The following FCGR1A variants were observed in gnomAD, a reference collection of about 807,000 sequenced individuals.
FCGR1A encodes Fc gamma receptor Ia, also known as high affinity immunoglobulin gamma Fc receptor I.
A neutral mutation model predicts 35.0 loss-of-function variants in FCGR1A; 13 were observed. The ratio of observed to expected loss-of-function variants is 0.37; its 90% CI spans 0.24 to 0.59. The LOEUF (loss-of-function observed/expected upper bound fraction) is 0.59. Among genes scored for constraint, FCGR1A ranks in the 20% least tolerant of loss-of-function variants. FCGR1A has a pLI of 0.71. For missense variants in FCGR1A, 227 were observed against 430.0 expected (o/e 0.53, Z 4.17); for synonymous variants, 91 against 164.7 (o/e 0.55, Z 3.43).
At position 149,791,502 on chromosome 1, in the gene FCGR1A, C is replaced by T. The variant is rs1228096392; in HGVS notation, c.1110C>T (p.Pro370=). The part of the protein sequence containing the change: ...QLQEGVHRKE[P]QGAT ...AGGAAGGGGTGCACCGGAAGGAGCC[C>T]CAGGGGGCCACGTAGCAGCGGCTCA... Residue 370 remains proline (P), a synonymous_variant, in exon 6 of 6, where the codon CCC becomes CCT. Coordinates refer to ENST00000369168, the MANE Select transcript of FCGR1A (RefSeq NM_000566.4). 9.9e-6 allele frequency: 16 copies of T among 1,609,494 alleles called. No individual in the cohort carries two copies. Among genetic ancestry groups the T allele is most frequent in the Non-Finnish European group, 1.4e-5 (16 of 1,179,374 alleles).
At position 149,790,494 on chromosome 1, in the gene FCGR1A, C is replaced by T; in HGVS notation, c.844+156C>T. ...AGGCCTTTCCATCCTTGATTCACAA[C>T]ATCACTCTTCTCCTCGCAAACTGTT... is the stretch of plus-strand genomic sequence containing the variant. On this transcript the variant is annotated intron_variant, in intron 5 of 5. Transcript: ENST00000369168. 4.1e-6 allele frequency: 5 copies of T among 1,231,308 alleles called. No individual in the cohort carries two copies. In the South Asian group the frequency reaches 5.7e-5, roughly 14 times the overall value. 76.3% of individuals were successfully genotyped at this position (1,231,308 alleles called of 1,614,324 possible). A position where few individuals can be genotyped will look rare whatever the true frequency, so the allele number is the denominator to read the frequency against.
At chr1:149,797,789 G>C in the FCGR1A span, among the ~76,000 whole-genome samples, 1 of 136,522 alleles carries the variant, frequency 7.3e-6, no homozygotes, top group Non-Finnish European at 1.7e-5. Context: ...GGAGACACAG[G>C]GTCCTGCCAT....
chr1:149,791,875 G>GAC (rs1427952634), downstream of FCGR1A: 16 of 269,480 alleles, frequency 5.9e-5, no homozygotes, highest in African/African-American at 4.2e-4. Context: ...GACAGAAAGA[G>GAC]ACACACACAC....
downstream of FCGR1A, among the ~76,000 whole-genome samples, chr1:149,793,579 C>G (rs1553752469): frequency 6.6e-6 from 1 of 150,748 alleles, no homozygotes; most frequent in African/African-American, 2.5e-5. Flanking sequence ...AGGAATCTTT[C>G]TTCTCCCTGG....
intron 3 of FCGR1A, among the ~76,000 whole-genome samples, chr1:149,784,732 A>G (rs1167014862): frequency 6.7e-6 from 1 of 149,340 alleles, no homozygotes; most frequent in Non-Finnish European, 1.5e-5. Context: ...ACACATATAT[A>G]TAGTTTTAAA....
chr1:149,791,598 A>T lies in FCGR1A; in HGVS notation c.*81A>T. On this transcript the variant is annotated 3_prime_UTR_variant, in exon 6 of 6. Coordinates refer to ENST00000369168, the MANE Select transcript of FCGR1A (RefSeq NM_000566.4). ...GTGAGCACTGCGTACAAACATCCAA[A>T]AGTTCAACAACACCAGAACTGTGTG... 6.4e-7 allele frequency: 1 copy of T among 1,554,930 alleles called. No individual in the cohort carries two copies. Among genetic ancestry groups the T allele is most frequent in the South Asian group, 1.2e-5 (1 of 82,720 alleles).
chr1:149,800,163 CA>C, the FCGR1A span, among the ~76,000 whole-genome samples: 1 of 152,016 alleles, frequency 6.6e-6, no homozygotes, highest in Admixed American at 6.6e-5. Flanking sequence ...TGGTTTATAA[CA>C]AAAAATACAG....
intron 3 of FCGR1A, among the ~76,000 whole-genome samples, chr1:149,785,150 C>G (rs2091507221): frequency 6.6e-6 from 1 of 152,154 alleles, no homozygotes; most frequent in African/African-American, 2.4e-5. Flanking sequence ...ATATGCAAGA[C>G]AAAATAACCA....
intron 3 of FCGR1A, among the ~76,000 whole-genome samples, chr1:149,785,209 A>G (rs2091508936): frequency 6.6e-6 from 1 of 152,176 alleles, no homozygotes; most frequent in Admixed American, 6.5e-5. Flanking sequence ...CTTCGTTAAA[A>G]ATGATAATGC....
the FCGR1A span, among the ~76,000 whole-genome samples, chr1:149,800,497 C>T: frequency 7.6e-5 from 11 of 144,284 alleles, no homozygotes; most frequent in South Asian, 2.4e-4. Flanking sequence ...GGCTGCCAGA[C>T]ATCAGTCAAC....
In FCGR1A at chr1:149,788,581, C is replaced by T. The variant is rs782122885; in HGVS notation, c.523C>T (p.Arg175Cys). 11 of 1,613,842 alleles carry T rather than the reference C, an allele frequency of 6.8e-6. No homozygotes were observed. The highest frequency in any genetic ancestry group is 1.6e-4 in the Middle Eastern group (1 of 6,078). Residue 175 changes from arginine to cysteine, a missense_variant, in exon 4 of 6, where the codon CGC becomes TGC. Physicochemically the swap from Arg to Cys is radical, Grantham distance 180. Around this residue, in one of 3 missense-constraint regions of FCGR1A, gnomAD observed 185 missense variants for 306.6 expected, o/e 0.60. Coordinates refer to ENST00000369168, the MANE Select transcript of FCGR1A (RefSeq NM_000566.4). ...CCATTGCTCAGGCATGGGAAAGCAT[C>T]GCTACACATCAGCAGGAATATCTGT... ...TYHCSGMGKH[R>C]YTSAGISVTV...
intron 4 of FCGR1A, 71 bp from the exon 5 acceptor site, chr1:149,789,983 G>C: frequency 6.2e-7 from 1 of 1,612,954 alleles, no homozygotes; most frequent in Non-Finnish European, 8.5e-7. Context: ...AGGGGGTAAA[G>C]GGCATGTCTT....
downstream of FCGR1A, chr1:149,793,989 C>T (rs2091770242): frequency 1.1e-6 from 1 of 941,884 alleles, no homozygotes; most frequent in African/African-American, 1.7e-5. Context: ...GATTCCAGCC[C>T]TGAGAACCAG....
At chr1:149,787,594 C>A (rs587743166) in intron 3 of FCGR1A, 7 of 152,414 alleles carry the variant, frequency 4.6e-5, no homozygotes, top group African/African-American at 1.7e-4. Flanking sequence ...TTTTCTATTG[C>A]TGTGTAACAA....
rs1385711564 is a variant in FCGR1A, at chr1:149,790,433, A to T, written c.844+95A>T. The T allele has an allele frequency of 7.1e-6, 11 of 1,542,078 alleles. No homozygotes were observed. The Middle Eastern group carries it at 6.9e-4, about 97-fold the overall frequency. ...TTGTTCAAGGGTTTTTGGCCCAGAC[A>T]GGAGGGGAAAGTCTCTTCAGGAAAA... On this transcript the variant is annotated intron_variant, in intron 5 of 5. Coordinates refer to ENST00000369168, the MANE Select transcript of FCGR1A (RefSeq NM_000566.4).
downstream of FCGR1A, among the ~76,000 whole-genome samples, chr1:149,795,296 A>AAATGAATG (rs1299604637): frequency 1.4e-5 from 2 of 146,478 alleles, no homozygotes; most frequent in East Asian, 2.0e-4. Flanking sequence ...ATAAATAAAT[A>AAATGAATG]AATGATTATT....
chr1:149,792,992 G>C (rs1239383039), downstream of FCGR1A: 3 of 1,275,978 alleles, frequency 2.4e-6, no homozygotes, highest in Non-Finnish European at 3.0e-6. Context: ...GGCCTCCCCA[G>C]GCGCGTAGCT....
At chr1:149,800,026 TTCCAAG>T in the FCGR1A span, among the ~76,000 whole-genome samples, 4 of 151,950 alleles carry the variant, frequency 2.6e-5, no homozygotes, top group East Asian at 7.7e-4. Context: ...CAAATGCCAG[TTCCAAG>T]TCTGGGCCTC....
downstream of FCGR1A, chr1:149,792,661 G>A (rs587657071): frequency 2.7e-5 from 34 of 1,277,266 alleles, 1 homozygote; most frequent in East Asian, 5.1e-4. Flanking sequence ...GTATCTGGGG[G>A]CCGCAGCCGC....
Sources: gnomAD v4.1 joint callset for allele counts (sites outside exome capture counted in the v4.1 genomes callset) on GRCh38, gnomAD v4.1.1 for gene constraint, gnomAD v4.1.1 regional missense constraint, MANE v1.5 for transcripts, NCBI Gene and HGNC (gene_info 2026-07-23, HGNC 2026-07-21) for gene names.